SYN3: variants seen among roughly 807,000 people sequenced by gnomAD.
SYN3 encodes synapsin III, also known as synapsin-3.
In SYN3, 35 loss-of-function variants were observed where a neutral mutation model predicts 65.8. That is an observed-to-expected ratio of 0.53 (90% CI 0.41 to 0.70). SYN3 has a LOEUF of 0.70. SYN3 is among the 30% of genes least tolerant of loss of function. SYN3 has a pLI of 0.00. For synonymous variants in SYN3, 270 were observed against 292.9 expected, an observed-to-expected ratio of 0.92 and a Z score of 0.80; for missense variants, 680 against 749.0, an observed-to-expected ratio of 0.91 and a Z score of 1.08.
intron 6 of SYN3, 128 bp downstream of exon 6, chr22:32,864,787 C>T (rs545078003): frequency 3.2e-5 from 26 of 808,274 alleles, no homozygotes; most frequent in South Asian, 2.6e-4. Context: ...ACTGTGACTC[C>T]GCCTTAGAGT....
chr22:32,965,977 G>C (rs566521147), intron 3 of SYN3, among the ~76,000 whole-genome samples: 1 of 152,112 alleles, frequency 6.6e-6, no homozygotes, highest in Admixed American at 6.6e-5. Context: ...TACAGGCACG[G>C]GCCACCGCGC....
At chr22:32,664,127 C>T (rs2060256614) in intron 6 of SYN3, among the ~76,000 whole-genome samples, 1 of 152,340 alleles carries the variant, frequency 6.6e-6, no homozygotes, top group African/African-American at 2.4e-5. Context: ...TAAGGTCACA[C>T]AGGGAGCAAG....
intron 6 of SYN3, among the ~76,000 whole-genome samples, chr22:32,654,595 C>T (rs555142264): frequency 1.4e-4 from 21 of 152,176 alleles, no homozygotes; most frequent in Non-Finnish European, 2.8e-4. Context: ...CTCTCCACAC[C>T]GAGATCTCAT....
intron 6 of SYN3, among the ~76,000 whole-genome samples, chr22:32,619,070 G>T (rs1269589837): frequency 6.6e-6 from 1 of 152,082 alleles, no homozygotes; most frequent in Non-Finnish European, 1.5e-5. Context: ...TGAGCATTTG[G>T]TTGCAGGGCC....
intron 6 of SYN3, among the ~76,000 whole-genome samples, chr22:32,704,544 T>C (rs1336013889): frequency 1.3e-5 from 2 of 152,234 alleles, no homozygotes; most frequent in Non-Finnish European, 2.9e-5. Context: ...GCACGTGTCT[T>C]TATGGTAGAA....
chr22:32,743,547 C>T (rs1159915348), intron 6 of SYN3, among the ~76,000 whole-genome samples: 2 of 152,160 alleles, frequency 1.3e-5, no homozygotes, highest in Non-Finnish European at 2.9e-5. Flanking sequence ...CTGCTGCCCA[C>T]CTGCTTGGGA....
intron 6 of SYN3, among the ~76,000 whole-genome samples, chr22:32,597,197 T>A (rs1289471054): frequency 7.0e-6 from 1 of 141,986 alleles, no homozygotes; most frequent in African/African-American, 2.6e-5. Context: ...CTGTCTTACA[T>A]TATTCTCTTT....
intron 6 of SYN3, among the ~76,000 whole-genome samples, chr22:32,714,391 TC>T (rs2061007910): frequency 6.6e-6 from 1 of 152,142 alleles, no homozygotes; most frequent in Non-Finnish European, 1.5e-5. Flanking sequence ...CATAACAATT[TC>T]AGTGGTTCTC....
At chr22:33,032,688 C>T (rs1283538252) in intron 1 of SYN3, among the ~76,000 whole-genome samples, 2 of 151,796 alleles carry the variant, frequency 1.3e-5, no homozygotes, top group African/African-American at 2.4e-5. Context: ...GCTTACTTTC[C>T]AACCTGACTC....
chr22:33,041,736 C>T (rs1424471394), intron 1 of SYN3, among the ~76,000 whole-genome samples: 4 of 152,106 alleles, frequency 2.6e-5, no homozygotes, highest in Non-Finnish European at 5.9e-5. Context: ...TCCTGGAATG[C>T]CATCCTTTTT....
intron 6 of SYN3, among the ~76,000 whole-genome samples, chr22:32,745,186 C>T (rs760462278): frequency 3.9e-5 from 6 of 152,124 alleles, no homozygotes; most frequent in African/African-American, 7.2e-5. Flanking sequence ...CTAAACTCTG[C>T]GCTCCCAGCA....
At position 32,810,369 on chromosome 22, in the gene SYN3, C is replaced by G. The variant is rs541139907; in HGVS notation, c.711+54546G>C. ...AATCCGATCACCTAATGGTGGCATT[C>G]ACGGCTTGGAGACAAGAAACTATAA... On this transcript the variant is annotated intron_variant, in intron 6 of 13. Coordinates refer to ENST00000358763, the MANE Select transcript of SYN3 (RefSeq NM_003490.4). 2.0e-5 allele frequency among the ~76,000 whole-genome samples: 3 copies of G among 152,300 alleles called. No individual in the cohort carries two copies. The South Asian group carries it at 6.2e-4, about 32-fold the overall frequency.
At chr22:32,970,159 A>C (rs1464255273) in intron 3 of SYN3, among the ~76,000 whole-genome samples, 1 of 152,214 alleles carries the variant, frequency 6.6e-6, no homozygotes, top group Non-Finnish European at 1.5e-5. Context: ...CAAGTGCTTC[A>C]TGCAGTCTTA....
intron 6 of SYN3, among the ~76,000 whole-genome samples, chr22:32,650,107 C>A (rs28622506): frequency 6.6e-6 from 1 of 152,140 alleles, no homozygotes; most frequent in Non-Finnish European, 1.5e-5. Flanking sequence ...ATAAGACAGA[C>A]GCAATCTCAA....
chr22:32,751,208 G>C (rs1291300671), intron 6 of SYN3, among the ~76,000 whole-genome samples: 1 of 152,046 alleles, frequency 6.6e-6, no homozygotes, highest in Non-Finnish European at 1.5e-5. Flanking sequence ...GTTTCAAGGA[G>C]GAGCAATGGA....
chr22:32,877,442 A>T (rs1443153937), intron 4 of SYN3, among the ~76,000 whole-genome samples: 1 of 152,106 alleles, frequency 6.6e-6, no homozygotes, highest in East Asian at 1.9e-4. Flanking sequence ...GGGTTTCCCA[A>T]CCTCAGCACT....
chr22:32,554,613 A>G (rs1483444307), intron 7 of SYN3, among the ~76,000 whole-genome samples: 1 of 152,058 alleles, frequency 6.6e-6, no homozygotes, highest in Admixed American at 6.6e-5. Flanking sequence ...TCCGGCTCGT[A>G]CCCCTGCTTT....
rs1291328170 is a variant in SYN3, at chr22:32,518,083, C to T, written c.1570G>A (p.Glu524Lys). Reference protein sequence around the residue: ...VQGRSTSQQGEESKKPAPPHP... With the variant: ...VQGRSTSQQGKESKKPAPPHP... Reference sequence around the variant, plus strand: ...GGTGGTGCTGGCTTCTTGGACTCTTCACCCTGCTGGGAGGTACTACGGCCC... The same window carrying T: ...GGTGGTGCTGGCTTCTTGGACTCTTTACCCTGCTGGGAGGTACTACGGCCC... The change falls in exon 13 of 14, where the codon GAA becomes AAA. Residue 524 changes from glutamate (E) to lysine (K), a missense_variant. Glu to Lys is a moderately conservative substitution (Grantham distance 56). Transcript: ENST00000358763. 3 of 1,541,994 alleles carry T rather than the reference C, an allele frequency of 1.9e-6. No homozygotes were observed. The highest frequency in any genetic ancestry group is 8.7e-7 in the Non-Finnish European group (1 of 1,147,918).
chr22:32,654,520 GT>G (rs2146967128), intron 6 of SYN3, among the ~76,000 whole-genome samples: 1 of 152,232 alleles, frequency 6.6e-6, no homozygotes, highest in South Asian at 2.1e-4. Flanking sequence ...GGGACAGCTT[GT>G]CCCCTGCCTA....
Sources: gnomAD v4.1 joint callset for allele counts (sites outside exome capture counted in the v4.1 genomes callset) on GRCh38, gnomAD v4.1.1 for gene constraint, MANE v1.5 for transcripts, NCBI Gene and HGNC (gene_info 2026-07-23, HGNC 2026-07-21) for gene names.